Variants in TMEM132C observed in about 807,000 individuals in gnomAD.
TMEM132C encodes protein phosphatase 1, regulatory subunit 152.
Under a neutral mutation model 61.4 loss-of-function variants are expected in TMEM132C, and 29 were observed. The observed-to-expected ratio is 0.47, with a 90% CI of 0.35 to 0.64. The LOEUF (loss-of-function observed/expected upper bound fraction) is 0.64. Ranked by LOEUF, TMEM132C falls within the 30% of genes least tolerant of loss-of-function variation. The pLI, the probability that TMEM132C is intolerant of heterozygous loss-of-function variation, is 0.00. For synonymous variants in TMEM132C, 656 were observed against 633.1 expected, an observed-to-expected ratio of 1.04 and a Z score of -0.54; for missense variants, 1,408 against 1,476.9, an observed-to-expected ratio of 0.95 and a Z score of 0.76.
At position 128,705,818 on chromosome 12, in the gene TMEM132C, G is replaced by A; in HGVS notation, c.2850G>A (p.Leu950=). 1 of 1,551,702 alleles carries A rather than the reference G, an allele frequency of 6.4e-7. No individual in the cohort carries two copies. Among genetic ancestry groups the A allele is most frequent in the Non-Finnish European group, 8.7e-7 (1 of 1,147,040 alleles). Residue 950 remains leucine (L), a synonymous_variant, in exon 9 of 9, where the codon CTG becomes CTA. Transcript: ENST00000435159. ...VFLINCATFA[L]KYRHKQVPLE... ...TGATCAACTGCGCCACCTTTGCCCT[G>A]AAGTACAGGCACAAGCAAGTGCCCC... is the stretch of plus-strand genomic sequence containing the variant.
Position 128,630,301 on chromosome 12 carries a change from G to A in TMEM132C, c.1305+13966G>A, listed in dbSNP as rs1954055818. ...TGAGGGTCACTAGGGGGCAGGGGCT[G>A]GAGCTTCTGGCCACATCCCACACCA... On this transcript the variant is annotated intron_variant, in intron 4 of 8. Transcript: ENST00000435159. This position sits in a 1 kb window ranked among gnomAD's most constrained non-coding sequence, Gnocchi z 4.3. Among the ~76,000 whole-genome samples, 1 of 152,150 alleles carries A rather than the reference G, an allele frequency of 6.6e-6. No homozygotes were observed. Among genetic ancestry groups the A allele is most frequent in the Non-Finnish European group, 1.5e-5 (1 of 68,024 alleles).
At chr12:128,466,506 T>G (rs905218669) in intron 2 of TMEM132C, among the ~76,000 whole-genome samples, 3 of 152,174 alleles carry the variant, frequency 2.0e-5, no homozygotes, top group African/African-American at 7.2e-5. Context: ...GGTCATGACT[T>G]TTTTGCACCT....
At chr12:128,601,767 G>T (rs1211634949) in intron 3 of TMEM132C, among the ~76,000 whole-genome samples, 2 of 152,188 alleles carry the variant, frequency 1.3e-5, no homozygotes, top group African/African-American at 4.8e-5. Context: ...AGGCTTGTGA[G>T]AAAGTAATTG....
intron 3 of TMEM132C, among the ~76,000 whole-genome samples, chr12:128,549,765 C>T (rs1874096013): frequency 1.3e-5 from 2 of 152,146 alleles, no homozygotes; most frequent in South Asian, 4.1e-4. Flanking sequence ...GCCTCGCGCT[C>T]TCCAAATGCT....
At chr12:128,307,144 G>T (rs1487352624) in intron 1 of TMEM132C, among the ~76,000 whole-genome samples, 1 of 152,066 alleles carries the variant, frequency 6.6e-6, no homozygotes, top group Non-Finnish European at 1.5e-5. Context: ...CCCACCCTTG[G>T]TTATATGGCA....
At chr12:128,467,264 T>G (rs1348521178) in intron 2 of TMEM132C, among the ~76,000 whole-genome samples, 2 of 152,210 alleles carry the variant, frequency 1.3e-5, no homozygotes, top group African/African-American at 4.8e-5. Flanking sequence ...GAGATGCTAT[T>G]GGCACCCAGG....
At chr12:128,383,108 A>G (rs1384043177) in intron 1 of TMEM132C, among the ~76,000 whole-genome samples, 2 of 147,216 alleles carry the variant, frequency 1.4e-5, no homozygotes, top group Non-Finnish European at 3.1e-5. Flanking sequence ...GTACATGTGT[A>G]TACATGTGTG....
intron 1 of TMEM132C, among the ~76,000 whole-genome samples, chr12:128,402,969 G>C (rs912491872): frequency 5.3e-5 from 8 of 152,158 alleles, no homozygotes; most frequent in Non-Finnish European, 7.3e-5. Flanking sequence ...CAGAGAAAAG[G>C]GGGGAACTAT....
chr12:128,677,227 AT>A (rs1376403622), intron 5 of TMEM132C, among the ~76,000 whole-genome samples: 4 of 152,116 alleles, frequency 2.6e-5, no homozygotes, highest in African/African-American at 9.7e-5. Context: ...GGTGTCATAG[AT>A]TTAGCAATAT....
At position 128,327,577 on chromosome 12, in the gene TMEM132C, G is replaced by A. The variant is rs181673751; in HGVS notation, c.85+60090G>A. On this transcript the variant is annotated intron_variant, in intron 1 of 8. Coordinates refer to ENST00000435159, the MANE Select transcript of TMEM132C (RefSeq NM_001136103.3). ...TTTTTATATTTTTAGTAGAGACGGG[G>A]TTTCACCGTGTTAGCCAGGATGGTC... Among the ~76,000 whole-genome samples, 5 of 152,168 alleles carry A rather than the reference G, an allele frequency of 3.3e-5. No individual in the cohort carries two copies. The East Asian group carries it at 9.7e-4, about 29-fold the overall frequency.
intron 1 of TMEM132C, among the ~76,000 whole-genome samples, chr12:128,284,695 T>G (rs1871004380): frequency 6.6e-6 from 1 of 152,212 alleles, no homozygotes; most frequent in Non-Finnish European, 1.5e-5. Context: ...CTATAGCAGT[T>G]AAACATATAG....
chr12:128,487,221 A>G (rs1041015842), intron 2 of TMEM132C, among the ~76,000 whole-genome samples: 1 of 152,104 alleles, frequency 6.6e-6, no homozygotes, highest in Non-Finnish European at 1.5e-5. Context: ...GAGCTCAGTG[A>G]AGTTTGCTTC....
At chr12:128,541,619 C>G (rs11059758) in intron 2 of TMEM132C, among the ~76,000 whole-genome samples, 69,969 of 152,026 alleles carry the variant, frequency 0.46, 18,728 homozygotes, top group Non-Finnish European at 0.6. Flanking sequence ...ATATCACGGT[C>G]TTTATATCAC....
chr12:128,536,814 C>T (rs1255369979), intron 2 of TMEM132C, among the ~76,000 whole-genome samples: 4 of 152,054 alleles, frequency 2.6e-5, no homozygotes, highest in African/African-American at 4.8e-5. Flanking sequence ...CATGACCTTG[C>T]ATATGTCAAC....
chr12:128,661,915 A>G (rs1179397344), intron 4 of TMEM132C, among the ~76,000 whole-genome samples: 1 of 152,228 alleles, frequency 6.6e-6, no homozygotes, highest in African/African-American at 2.4e-5. Context: ...AGACAATACC[A>G]TATTTTCTTT....
At chr12:128,440,207 A>G (rs1042042845) in intron 2 of TMEM132C, among the ~76,000 whole-genome samples, 2 of 152,226 alleles carry the variant, frequency 1.3e-5, no homozygotes, top group African/African-American at 4.8e-5. Context: ...GGTCACAACT[A>G]GTGGCTTCTG....
chr12:128,343,235 C>T (rs1873035944), intron 1 of TMEM132C, among the ~76,000 whole-genome samples: 1 of 152,060 alleles, frequency 6.6e-6, no homozygotes, highest in Admixed American at 6.5e-5. Flanking sequence ...ACCATCCTGG[C>T]CAACATGGTG....
chr12:128,690,933 C>T (rs909248313), intron 5 of TMEM132C, among the ~76,000 whole-genome samples: 2 of 152,168 alleles, frequency 1.3e-5, no homozygotes, highest in Admixed American at 1.3e-4. Flanking sequence ...AGTAGCCATC[C>T]ATGGTTCCCG....
intron 2 of TMEM132C, among the ~76,000 whole-genome samples, chr12:128,500,654 C>T (rs549208572): frequency 6.6e-6 from 1 of 152,142 alleles, no homozygotes; most frequent in South Asian, 2.1e-4. Context: ...TACCACTTCA[C>T]ACCCATTAGG....
Sources: allele counts gnomAD v4.1 joint callset (sites outside exome capture counted in the v4.1 genomes callset), GRCh38; gene constraint gnomAD v4.1.1; non-coding constraint Gnocchi (gnomAD v3.1); transcripts MANE v1.5; gene names NCBI Gene and HGNC (gene_info 2026-07-23, HGNC 2026-07-21).